The following CAPN13 variants were observed in gnomAD, a reference collection of about 807,000 sequenced individuals.
The protein encoded by CAPN13 is calpain-13.
In CAPN13, 90 loss-of-function variants were observed where a neutral mutation model predicts 98.4. The observed-to-expected ratio is 0.92, with a 90% confidence interval of 0.77 to 1.09. CAPN13 has a LOEUF of 1.09. Among genes scored for constraint, CAPN13 ranks in the 50% least tolerant of loss-of-function variants. CAPN13 has a pLI of 0.00. For synonymous variants in CAPN13, 330 were observed against 305.5 expected (o/e 1.08, Z -0.84); for missense variants, 887 against 841.3 (o/e 1.05, Z -0.67).
At chr2:30,755,654 A>C (rs1481664840) in intron 8 of CAPN13, among the ~76,000 whole-genome samples, 1 of 152,122 alleles carries the variant, frequency 6.6e-6, no homozygotes, top group Admixed American at 6.6e-5. Context: ...CAAAAGCTCA[A>C]TGAGACCTTT....
At chr2:30,805,717 C>G (rs75403759) in intron 1 of CAPN13, among the ~76,000 whole-genome samples, 5 of 148,218 alleles carry the variant, frequency 3.4e-5, no homozygotes, top group African/African-American at 1.0e-4. Context: ...ATGCTTGATA[C>G]GGAGTGAGCC....
chr2:30,765,819 C>T (rs141186551), intron 5 of CAPN13, among the ~76,000 whole-genome samples: 21 of 152,346 alleles, frequency 1.4e-4, no homozygotes, highest in African/African-American at 2.4e-4. Flanking sequence ...ATTCCCAGAA[C>T]GAAGGGGCAT....
At chr2:30,725,965 C>G (rs528199364) in intron 22 of CAPN13, among the ~76,000 whole-genome samples, 1 of 152,114 alleles carries the variant, frequency 6.6e-6, no homozygotes, top group South Asian at 2.1e-4. Context: ...TAGAGAATAG[C>G]TAAAATAGCA....
chr2:30,754,223 A>T, intron 9 of CAPN13, 67 bp downstream of exon 9: 1 of 1,247,244 alleles, frequency 8.0e-7, no homozygotes, highest in East Asian at 2.8e-5. Flanking sequence ...GTTCAGGGAA[A>T]AGGGTAGGGA....
At position 30,776,051 on chromosome 2, in the gene CAPN13, A is replaced by AG; in HGVS notation, c.272-7dup. On this transcript the variant is annotated splice_polypyrimidine_tract_variant and splice_region_variant and intron_variant, in intron 3 of 22. Transcript: ENST00000295055. ...TGCCAGGAACCAGCAGTCAGCTGTG[A>AG]GGGGAGATAAGCCAGGAAAGGCTGA... The AG allele has an allele frequency of 1.3e-6, 2 of 1,597,304 alleles. No homozygotes were observed. The highest frequency in any genetic ancestry group is 1.7e-6 in the Non-Finnish European group (2 of 1,168,780).
intron 22 of CAPN13, chr2:30,729,882 G>T (rs926616838): frequency 2.0e-5 from 3 of 152,338 alleles, no homozygotes; most frequent in South Asian, 2.1e-4. Flanking sequence ...TGGTCACCAG[G>T]AGGTCTGGAT....
chr2:30,725,494 G>C (rs1256212734), intron 22 of CAPN13, among the ~76,000 whole-genome samples: 1 of 152,180 alleles, frequency 6.6e-6, no homozygotes, highest in African/African-American at 2.4e-5. Context: ...TCCAAGGGCA[G>C]ATAAAAGACC....
intron 11 of CAPN13, 75 bp from the exon 12 acceptor site, chr2:30,745,809 G>A (rs1671879389): frequency 7.4e-7 from 1 of 1,342,938 alleles, no homozygotes; most frequent in African/African-American, 1.4e-5. Flanking sequence ...CGAACAGCTT[G>A]GCTCATTGGT....
chr2:30,787,953 A>T (rs1486391798), intron 1 of CAPN13, among the ~76,000 whole-genome samples: 1 of 152,132 alleles, frequency 6.6e-6, no homozygotes, highest in Non-Finnish European at 1.5e-5. Flanking sequence ...GTGGGCAGGG[A>T]CTGGAAGCAG....
intron 5 of CAPN13, among the ~76,000 whole-genome samples, chr2:30,768,678 TTTCCTTCCTTCC>T (rs4021142): frequency 6.0e-5 from 9 of 149,294 alleles, no homozygotes; most frequent in East Asian, 1.9e-4. Context: ...AACTTTCTTT[TTTCCTTCCTTCC>T]TTCCTTCCTT....
rs757821105 is a variant in CAPN13, at chr2:30,732,540, G to C, written c.1825C>G (p.Arg609Gly). 1 of 1,609,824 alleles carries C rather than the reference G, an allele frequency of 6.2e-7. No individual in the cohort carries two copies. The highest frequency in any genetic ancestry group is 1.7e-5 in the Admixed American group (1 of 59,518). Reference sequence around the variant, plus strand: ...AGGGTCACCAGATGCAGCAGCTCACGGCTGATGAAGATCCCTCTGAGGAAG... The same window carrying C: ...AGGGTCACCAGATGCAGCAGCTCACCGCTGATGAAGATCCCTCTGAGGAAG... The part of the protein sequence containing the change: ...TDFLRGIFIS[R>G]ELLHLVTLRY... The change falls in exon 20 of 23, where the codon CGT (arginine) becomes GGT (glycine). Residue 609 changes from arginine to glycine, a missense_variant. Transcript: ENST00000295055.
intron 2 of CAPN13, among the ~76,000 whole-genome samples, chr2:30,780,796 A>C (rs1311686221): frequency 6.6e-6 from 1 of 152,200 alleles, no homozygotes; most frequent in Non-Finnish European, 1.5e-5. Flanking sequence ...AGATGGTAGG[A>C]AGGGATGGAA....
chr2:30,769,522 G>A (rs563878257), intron 5 of CAPN13, among the ~76,000 whole-genome samples: 4 of 152,214 alleles, frequency 2.6e-5, no homozygotes, highest in African/African-American at 4.8e-5. Context: ...ACACACACAC[G>A]TGCAACCCCC....
chr2:30,756,202 C>T (rs1339889302), intron 8 of CAPN13, among the ~76,000 whole-genome samples: 3 of 152,190 alleles, frequency 2.0e-5, no homozygotes, highest in East Asian at 1.9e-4. Flanking sequence ...TCCAGACTTC[C>T]GGCATCAGGC....
intron 1 of CAPN13, among the ~76,000 whole-genome samples, chr2:30,791,026 T>G (rs961703383): frequency 1.3e-5 from 2 of 152,106 alleles, no homozygotes; most frequent in African/African-American, 2.4e-5. Flanking sequence ...GGGTTTCATA[T>G]GAATTTGTTG....
At chr2:30,733,739 A>G (rs1671216036) in intron 19 of CAPN13, among the ~76,000 whole-genome samples, 1 of 152,160 alleles carries the variant, frequency 6.6e-6, no homozygotes. Context: ...CACAGAAGGG[A>G]GGATGATGGA....
At chr2:30,768,485 G>A (rs1673220760) in intron 5 of CAPN13, among the ~76,000 whole-genome samples, 1 of 152,158 alleles carries the variant, frequency 6.6e-6, no homozygotes, top group African/African-American at 2.4e-5. Context: ...AGCCACAGCA[G>A]CTGCAGCCAA....
intron 1 of CAPN13, among the ~76,000 whole-genome samples, chr2:30,799,673 G>T (rs1193428156): frequency 6.6e-6 from 1 of 152,200 alleles, no homozygotes; most frequent in Non-Finnish European, 1.5e-5. Context: ...AGGGGCAGAG[G>T]TAAGCTAGTG....
rs929650290 is a variant in CAPN13, at chr2:30,757,900, T to G, written c.866+146A>C. ...CGGATGGCATCACAGGAGCGTGAGATGGACCGATAGCCACGTGTAGGTGTG... is the reference window on the plus strand; with the variant it reads ...CGGATGGCATCACAGGAGCGTGAGAGGGACCGATAGCCACGTGTAGGTGTG... On this transcript the variant is annotated intron_variant, in intron 8 of 22. Coordinates refer to ENST00000295055, the MANE Select transcript of CAPN13 (RefSeq NM_144575.3). 2.5e-5 allele frequency: 15 copies of G among 592,052 alleles called. No individual in the cohort carries two copies. In the African/African-American group the frequency reaches 2.9e-4, roughly 11 times the overall value. The allele number at this position is 592,052 out of a possible 1,614,324, so 36.7% of individuals were successfully genotyped here. A position where few individuals can be genotyped will look rare whatever the true frequency, so the allele number is the denominator to read the frequency against.
Sources: gnomAD v4.1 joint callset for allele counts (sites outside exome capture counted in the v4.1 genomes callset) on GRCh38, gnomAD v4.1.1 for gene constraint, MANE v1.5 for transcripts, NCBI Gene and HGNC (gene_info 2026-07-23, HGNC 2026-07-21) for gene names.